The following PHKB variants were observed in gnomAD, a reference collection of about 807,000 sequenced individuals.
PHKB encodes phosphorylase b kinase regulatory subunit beta.
In PHKB, 122 loss-of-function variants were observed where a neutral mutation model predicts 152.1. That is an observed-to-expected ratio of 0.80 (90% CI 0.69 to 0.93). The LOEUF is 0.93. Ranked by LOEUF, PHKB falls within the 40% of genes least tolerant of loss-of-function variation. The probability of loss-of-function intolerance (pLI) is 0.00; values close to 1 mark genes in which losing one functional copy is unlikely to be tolerated. For synonymous variants in PHKB, 436 were observed against 464.9 expected, an observed-to-expected ratio of 0.94 and a Z score of 0.80; for missense variants, 1,304 against 1,328.4, an observed-to-expected ratio of 0.98 and a Z score of 0.29.
At chr16:47,629,873 A>G (rs867444256) in intron 14 of PHKB, among the ~76,000 whole-genome samples, 29 of 152,280 alleles carry the variant, frequency 1.9e-4, no homozygotes, top group South Asian at 2.1e-4. Flanking sequence ...TGTCCTTTGT[A>G]GGGACATGGA....
chr16:47,652,637 G>A (rs1194510568), intron 20 of PHKB, among the ~76,000 whole-genome samples: 1 of 151,544 alleles, frequency 6.6e-6, no homozygotes, highest in Non-Finnish European at 1.5e-5. Flanking sequence ...TGTTGTTGTT[G>A]TTGTTTATTT....
chr16:47,655,877 C>G (rs1440119673), intron 20 of PHKB, among the ~76,000 whole-genome samples: 1 of 152,178 alleles, frequency 6.6e-6, no homozygotes, highest in Non-Finnish European at 1.5e-5. Flanking sequence ...ACTCAAGCAC[C>G]TGAACTTTCA....
At chr16:47,683,084 T>G (rs1039709292) in intron 26 of PHKB, among the ~76,000 whole-genome samples, 5 of 152,220 alleles carry the variant, frequency 3.3e-5, no homozygotes, top group African/African-American at 1.2e-4. Flanking sequence ...CAGCGGATCT[T>G]GGTGAACCGC....
At chr16:47,666,005 T>A in intron 25 of PHKB, 1 of 1,613,606 alleles carries the variant, frequency 6.2e-7, no homozygotes. Flanking sequence ...CCCCATCCAT[T>A]ACTAATGTTT....
chr16:47,691,326 A>G (rs965596613), intron 27 of PHKB, among the ~76,000 whole-genome samples: 5 of 152,270 alleles, frequency 3.3e-5, no homozygotes, highest in Middle Eastern at 3.4e-3. Flanking sequence ...AAATTGACAA[A>G]ATTTGAATTA....
intron 4 of PHKB, among the ~76,000 whole-genome samples, chr16:47,510,224 A>G (rs1181657992): frequency 6.6e-6 from 1 of 152,172 alleles, no homozygotes; most frequent in Non-Finnish European, 1.5e-5. Context: ...TTTTATAGCA[A>G]CCGTGTTATG....
At position 47,664,900 on chromosome 16, in the gene PHKB, C is replaced by A. The variant is rs570705767; in HGVS notation, c.2352C>A (p.Tyr784Ter). 2.5e-6 allele frequency: 4 copies of A among 1,613,126 alleles called. No individual in the cohort carries two copies. Among genetic ancestry groups the A allele is most frequent in the Non-Finnish European group, 3.4e-6 (4 of 1,179,376 alleles). ...GSQKLWLAVRYGAAFTQKFSS... is the reference protein window; with the variant it reads ...GSQKLWLAVR ...ACACACCCAGGTTGGCGGTGCGCTA[C>A]GGGGCTGCATTTACCCAGAAATTTT... Residue 784 changes from tyrosine to a stop codon, truncating the protein, a stop_gained, in exon 25 of 31, where the codon TAC (tyrosine) becomes TAA (stop). Coordinates refer to ENST00000323584, the MANE Select transcript of PHKB (RefSeq NM_000293.3). LOFTEE classifies it high-confidence loss of function.
intron 6 of PHKB, among the ~76,000 whole-genome samples, chr16:47,536,163 T>A (rs1024508108): frequency 2.0e-5 from 3 of 152,314 alleles, no homozygotes; most frequent in Non-Finnish European, 2.9e-5. Flanking sequence ...GCGATTCTCC[T>A]GTCTCAGCCT....
chr16:47,592,515 G>T (rs1041318729), intron 10 of PHKB, among the ~76,000 whole-genome samples: 2 of 152,196 alleles, frequency 1.3e-5, no homozygotes, highest in African/African-American at 4.8e-5. Context: ...AGTTACCTTA[G>T]CTCATCTCCC....
chr16:47,645,585 G>T (rs1338492970), intron 16 of PHKB, among the ~76,000 whole-genome samples: 2 of 146,816 alleles, frequency 1.4e-5, no homozygotes, highest in Non-Finnish European at 3.0e-5. Context: ...CTCTGTTTTG[G>T]TACCAGTACC....
At chr16:47,611,554 G>C (rs1055392075) in intron 14 of PHKB, among the ~76,000 whole-genome samples, 2 of 152,046 alleles carry the variant, frequency 1.3e-5, no homozygotes, top group African/African-American at 4.8e-5. Context: ...ATGTGTGCCT[G>C]GGATTCTAAG....
intron 14 of PHKB, among the ~76,000 whole-genome samples, chr16:47,611,404 A>G (rs1972425194): frequency 6.6e-6 from 1 of 152,172 alleles, no homozygotes. Flanking sequence ...TGTCAACAAA[A>G]TAAGTGTTTG....
intron 14 of PHKB, among the ~76,000 whole-genome samples, chr16:47,618,007 TA>T (rs1972549727): frequency 6.6e-6 from 1 of 152,266 alleles, no homozygotes; most frequent in Non-Finnish European, 1.5e-5. Flanking sequence ...CTGTGGCCTT[TA>T]ATCAGTCCTT....
At chr16:47,612,932 T>G (rs542893362) in intron 14 of PHKB, among the ~76,000 whole-genome samples, 67 of 152,296 alleles carry the variant, frequency 4.4e-4, no homozygotes, top group African/African-American at 1.5e-3. Flanking sequence ...TGCAGCCCTC[T>G]GTTTGAAATG....
chr16:47,660,140 G>T (rs930985898), intron 20 of PHKB, among the ~76,000 whole-genome samples: 5 of 152,144 alleles, frequency 3.3e-5, no homozygotes, highest in African/African-American at 1.2e-4. Context: ...GGGATTACGG[G>T]CATGAGCCAC....
chr16:47,625,737 TTCTC>T (rs1972697799), intron 14 of PHKB, among the ~76,000 whole-genome samples: 1 of 152,216 alleles, frequency 6.6e-6, no homozygotes, highest in South Asian at 2.1e-4. Context: ...TTAATCATCT[TTCTC>T]ACTGAAATGT....
rs145520299 is a variant in PHKB, at chr16:47,490,429, A to G, written c.77-6970A>G. On this transcript the variant is annotated intron_variant, in intron 1 of 30. Coordinates refer to ENST00000323584, the MANE Select transcript of PHKB (RefSeq NM_000293.3). ...AACATATACTTAGACATTAAATTTT[A>G]GAAATTCCATACAGTTTTGGAGCAA... Among the ~76,000 whole-genome samples, 20 of 152,364 alleles carry G rather than the reference A, an allele frequency of 1.3e-4. No individual in the cohort carries two copies. The East Asian group carries it at 3.7e-3, about 28-fold the overall frequency.
rs1176019662 is a variant in PHKB at position 47,499,954 on chromosome 16, C to A, written c.305+60C>A. 4 of 1,588,274 alleles carry A rather than the reference C, an allele frequency of 2.5e-6. No individual in the cohort carries two copies. The East Asian group carries it at 8.9e-5, about 35-fold the overall frequency. ...AGTGGATAATAGGGTTTTGTAGGACCAAGACTAATTGAGCCGCTATCTTTT... is the reference window on the plus strand; with the variant it reads ...AGTGGATAATAGGGTTTTGTAGGACAAAGACTAATTGAGCCGCTATCTTTT... On this transcript the variant is annotated intron_variant, in intron 3 of 30. Coordinates refer to ENST00000323584, the MANE Select transcript of PHKB (RefSeq NM_000293.3).
chr16:47,480,003 A>T (rs1336933516), intron 1 of PHKB, among the ~76,000 whole-genome samples: 1 of 152,192 alleles, frequency 6.6e-6, no homozygotes, highest in Non-Finnish European at 1.5e-5. Flanking sequence ...ACATTGCTAT[A>T]AACGTTAAAA....
Sources: allele counts gnomAD v4.1 joint callset (sites outside exome capture counted in the v4.1 genomes callset), GRCh38; gene constraint gnomAD v4.1.1; transcripts MANE v1.5; gene names NCBI Gene and HGNC (gene_info 2026-07-23, HGNC 2026-07-21).